CNTNAP5: variants seen among roughly 807,000 people sequenced by gnomAD.
The protein encoded by CNTNAP5 is contactin-associated protein-like 5.
Under a neutral mutation model 150.2 loss-of-function variants are expected in CNTNAP5, and 72 were observed. The observed-to-expected ratio is 0.48, with a 90% CI of 0.40 to 0.58. The LOEUF (loss-of-function observed/expected upper bound fraction) is 0.58. CNTNAP5 is among the 20% of genes least tolerant of loss of function. The pLI, the probability that CNTNAP5 is intolerant of heterozygous loss-of-function variation, is 0.00. For missense variants in CNTNAP5, 1,636 were observed against 1,626.2 expected (o/e 1.01, Z -0.10); for synonymous variants, 672 against 619.8 (o/e 1.08, Z -1.25).
chr2:124,738,325 G>T (rs2105134938), intron 13 of CNTNAP5, among the ~76,000 whole-genome samples: 1 of 152,292 alleles, frequency 6.6e-6, no homozygotes, highest in East Asian at 1.9e-4. Flanking sequence ...TTACTCCAAT[G>T]CTGAGTTGTT....
At chr2:124,296,741 A>G (rs756427507) in intron 3 of CNTNAP5, among the ~76,000 whole-genome samples, 5 of 152,204 alleles carry the variant, frequency 3.3e-5, no homozygotes, top group Non-Finnish European at 7.3e-5. Flanking sequence ...AAAAAAATGA[A>G]TATCATCCCT....
chr2:124,466,263 A>G (rs1693377400), intron 6 of CNTNAP5, among the ~76,000 whole-genome samples: 1 of 152,156 alleles, frequency 6.6e-6, no homozygotes, highest in Non-Finnish European at 1.5e-5. Flanking sequence ...CAGAGAATAC[A>G]ATAACTCTAT....
intron 5 of CNTNAP5, among the ~76,000 whole-genome samples, chr2:124,443,844 G>A (rs1396504747): frequency 6.6e-6 from 1 of 151,646 alleles, no homozygotes; most frequent in African/African-American, 2.4e-5. Context: ...GTGTGTGTGT[G>A]TGTGTGTGAT....
chr2:124,408,041 C>A (rs913908831), intron 3 of CNTNAP5, among the ~76,000 whole-genome samples: 1 of 152,178 alleles, frequency 6.6e-6, no homozygotes, highest in Admixed American at 6.5e-5. Flanking sequence ...GTACGCCAGC[C>A]GAAGCAGGGC....
chr2:124,368,771 A>G (rs949130622), intron 3 of CNTNAP5, among the ~76,000 whole-genome samples: 5 of 152,140 alleles, frequency 3.3e-5, no homozygotes, highest in Non-Finnish European at 1.5e-5. Flanking sequence ...TTGCATTCCT[A>G]CTGCATATAC....
In CNTNAP5 at chr2:124,508,098, A is replaced by T. The variant is rs558314696; in HGVS notation, c.1327+3542A>T. ...GCCTATCACAAGAGATAAAAAAAAA[A>T]TTATGTTGGTGCTGGCAATTAAATG... is the stretch of plus-strand genomic sequence containing the variant. On this transcript the variant is annotated intron_variant, in intron 8 of 23. Coordinates refer to ENST00000682447, the MANE Select transcript of CNTNAP5 (RefSeq NM_001367498.1). Among the ~76,000 whole-genome samples, 705 of 151,950 alleles carry T rather than the reference A, an allele frequency of 4.6e-3. 6 individuals are homozygous for T. The highest frequency in any genetic ancestry group is 0.016 in the African/African-American group (670 of 41,408).
In CNTNAP5 at chr2:124,113,485, C is replaced by T. The variant is rs58528953; in HGVS notation, c.82+87753C>T. Among the ~76,000 whole-genome samples, 791 of 147,776 alleles carry T rather than the reference C, an allele frequency of 5.4e-3. 5 individuals carry two copies. The highest frequency in any genetic ancestry group is 0.017 in the Middle Eastern group (5 of 290). ...ATTTGAATGTCTATATTGTATATAT[C>T]TATTCAACTGATACATATATATGTG... On this transcript the variant is annotated intron_variant, in intron 1 of 23. Coordinates refer to ENST00000682447, the MANE Select transcript of CNTNAP5 (RefSeq NM_001367498.1).
intron 1 of CNTNAP5, among the ~76,000 whole-genome samples, chr2:124,058,480 A>G (rs180905471): frequency 1.7e-3 from 261 of 152,216 alleles, no homozygotes; most frequent in Non-Finnish European, 2.7e-3. Context: ...GAGTTTGCTG[A>G]GATTCCTAAT....
At chr2:124,151,741 A>G (rs1684410314) in intron 1 of CNTNAP5, among the ~76,000 whole-genome samples, 1 of 152,202 alleles carries the variant, frequency 6.6e-6, no homozygotes, top group South Asian at 2.1e-4. Flanking sequence ...CTGTCTCCCT[A>G]GCCTAGATAA....
intron 3 of CNTNAP5, among the ~76,000 whole-genome samples, chr2:124,371,764 A>G (rs1382306742): frequency 6.6e-6 from 1 of 151,796 alleles, no homozygotes; most frequent in Non-Finnish European, 1.5e-5. Context: ...TTCTTAGCCA[A>G]TGGGTAGGGA....
rs138011340 is a variant in CNTNAP5 at position 124,815,095 on chromosome 2, A to C, written c.3217+16775A>C. Among the ~76,000 whole-genome samples, 221 of 152,300 alleles carry C rather than the reference A, an allele frequency of 1.5e-3. 3 individuals carry two copies. The highest frequency in any genetic ancestry group is 5.1e-3 in the African/African-American group (210 of 41,564). ...ACTTAATTCCCCTCTGACGTTCCTGATTTCCAGCTCTCCGTAGCAATAACT... is the reference window on the plus strand; with the variant it reads ...ACTTAATTCCCCTCTGACGTTCCTGCTTTCCAGCTCTCCGTAGCAATAACT... On this transcript the variant is annotated intron_variant, in intron 19 of 23. Coordinates refer to ENST00000682447, the MANE Select transcript of CNTNAP5 (RefSeq NM_001367498.1).
intron 3 of CNTNAP5, among the ~76,000 whole-genome samples, chr2:124,370,003 G>A (rs1690481306): frequency 6.6e-6 from 1 of 152,044 alleles, no homozygotes; most frequent in South Asian, 2.1e-4. Flanking sequence ...AACAGACAAT[G>A]CAATTACCAC....
At chr2:124,073,260 C>T (rs1558745675) in intron 1 of CNTNAP5, among the ~76,000 whole-genome samples, 1 of 152,014 alleles carries the variant, frequency 6.6e-6, no homozygotes, top group Non-Finnish European at 1.5e-5. Context: ...GAAACTCCTA[C>T]AAGAAAACAT....
At chr2:124,875,160 A>G (rs959744072) in intron 21 of CNTNAP5, among the ~76,000 whole-genome samples, 2 of 152,148 alleles carry the variant, frequency 1.3e-5, no homozygotes, top group Admixed American at 6.6e-5. Flanking sequence ...TGTCTTGTCC[A>G]ACATTACAGT....
At chr2:124,279,231 GTGTGTGTGTGTGTGTGTC>G (rs1222448005) in intron 3 of CNTNAP5, among the ~76,000 whole-genome samples, 1 of 151,238 alleles carries the variant, frequency 6.6e-6, no homozygotes, top group Non-Finnish European at 1.5e-5. Flanking sequence ...GGAAGTGTGT[GTGTGTGTGTGTGTGTGTC>G]TGTGTGTGTG....
At chr2:124,055,738 C>T (rs1354621315) in intron 1 of CNTNAP5, among the ~76,000 whole-genome samples, 1 of 152,152 alleles carries the variant, frequency 6.6e-6, no homozygotes, top group Admixed American at 6.5e-5. Flanking sequence ...ATTACTCCAA[C>T]TTTCATTTCC....
At chr2:124,628,658 C>G (rs2105006263) in intron 12 of CNTNAP5, among the ~76,000 whole-genome samples, 1 of 152,254 alleles carries the variant, frequency 6.6e-6, no homozygotes, top group African/African-American at 2.4e-5. Flanking sequence ...ACTACATTAA[C>G]AAGTCTGCAA....
At chr2:124,470,864 G>A (rs912006882) in intron 6 of CNTNAP5, among the ~76,000 whole-genome samples, 2 of 152,074 alleles carry the variant, frequency 1.3e-5, no homozygotes, top group Admixed American at 1.3e-4. Flanking sequence ...TTTTGTCGAA[G>A]ATCAGATGAT....
chr2:124,568,800 CT>C (rs1286866590), intron 11 of CNTNAP5, among the ~76,000 whole-genome samples: 2 of 152,160 alleles, frequency 1.3e-5, no homozygotes, highest in African/African-American at 4.8e-5. Flanking sequence ...AATCCCAGCC[CT>C]TTGGGAGGCC....
Sources: gnomAD v4.1 joint callset for allele counts (sites outside exome capture counted in the v4.1 genomes callset) on GRCh38, gnomAD v4.1.1 for gene constraint, MANE v1.5 for transcripts, NCBI Gene and HGNC (gene_info 2026-07-23, HGNC 2026-07-21) for gene names.